The following P2RX6 variants were observed in gnomAD, a reference collection of about 807,000 sequenced individuals.
P2RX6 encodes P2X purinoceptor 6.
In P2RX6, 62 loss-of-function variants were observed where a neutral mutation model predicts 54.2. That is an observed-to-expected ratio of 1.14 (90% CI 0.93 to 1.41). The LOEUF (loss-of-function observed/expected upper bound fraction) is 1.41, where lower values mean the gene tolerates loss of function less well. Among genes scored for constraint, P2RX6 ranks in the 40% most tolerant of loss-of-function variants. P2RX6 has a pLI of 0.00. For synonymous variants in P2RX6, 211 were observed against 231.9 expected, an observed-to-expected ratio of 0.91 and a Z score of 0.82; for missense variants, 541 against 566.3, an observed-to-expected ratio of 0.96 and a Z score of 0.45.
intron 3 of P2RX6, among the ~76,000 whole-genome samples, chr22:21,021,399 G>C (rs1042087212): frequency 6.6e-6 from 1 of 152,180 alleles, no homozygotes; most frequent in Non-Finnish European, 1.5e-5. Flanking sequence ...TGAGGGTATG[G>C]GAAGACGTGG....
At chr22:21,015,587 T>A (rs1462738832) in intron 1 of P2RX6, among the ~76,000 whole-genome samples, 1 of 152,072 alleles carries the variant, frequency 6.6e-6, no homozygotes, top group African/African-American at 2.4e-5. Flanking sequence ...AGGGGGCACA[T>A]GACATAGTCC....
rs1289343313 is a variant in P2RX6 at position 21,027,954 on chromosome 22, AG to A, written c.*1338del. The A allele has an allele frequency of 2.0e-5, 3 of 152,302 alleles. No individual in the cohort carries two copies. The highest frequency in any genetic ancestry group is 4.4e-5 in the Non-Finnish European group (3 of 68,078). The allele number at this position is 152,302 out of a possible 1,614,324, so 9.4% of individuals were successfully genotyped here. ...GTGCACCTGATTCTCCTTGGGGCCC[AG>A]AGGAAGCTGATGTCATGGCTGGACA... On this transcript the variant is annotated 3_prime_UTR_variant, in exon 12 of 12. Transcript: ENST00000413302.
chr22:21,023,649 G>C (rs1263773266), intron 8 of P2RX6, 31 bp downstream of exon 8: 3 of 1,502,780 alleles, frequency 2.0e-6, no homozygotes, highest in Non-Finnish European at 2.7e-6. Flanking sequence ...GTGCCCAGCT[G>C]CTGGGCCCAT....
chr22:21,025,254 C>T (rs1346525463), intron 8 of P2RX6, among the ~76,000 whole-genome samples: 1 of 152,110 alleles, frequency 6.6e-6, no homozygotes, highest in African/African-American at 2.4e-5. Flanking sequence ...CTTCTGCCAC[C>T]GAGCGTCACC....
chr22:21,014,538 T>G (rs764408443), upstream of P2RX6, among the ~76,000 whole-genome samples: 1 of 152,148 alleles, frequency 6.6e-6, no homozygotes, highest in Non-Finnish European at 1.5e-5. Context: ...CCTAGGGGGT[T>G]CCAGCATCGC....
At position 21,022,236 on chromosome 22, in the gene P2RX6, C is replaced by T. The variant is rs563253131; in HGVS notation, c.388-440C>T. ...AAAATATTAAAAAATCAGCCAGGCA[C>T]AGTGGTGTGTGTCTGTAGTCCCAGC... On this transcript the variant is annotated intron_variant, in intron 3 of 11. Transcript: ENST00000413302. Among the ~76,000 whole-genome samples, 5 of 152,200 alleles carry T rather than the reference C, an allele frequency of 3.3e-5. No homozygotes were observed. The South Asian group carries it at 6.2e-4, about 19-fold the overall frequency.
At chr22:21,023,697 A>G in intron 8 of P2RX6, 79 bp downstream of exon 8, 1 of 1,002,600 alleles carries the variant, frequency 1.0e-6, no homozygotes, top group East Asian at 2.6e-5. Context: ...GACCACACCC[A>G]GGCCCAGGCC....
chr22:21,015,281 G>A lies in P2RX6; in HGVS notation c.107G>A (p.Trp36Ter). Residue 36 changes from tryptophan to a stop codon, truncating the protein, a stop_gained, in exon 1 of 12, where the codon TGG becomes TAG. Transcript: ENST00000413302. LOFTEE classifies it high-confidence loss of function. ...KTEKYVMTRNWRVGALQRLLQ... is the reference protein window; with the variant it reads ...KTEKYVMTRN Reference sequence around the variant, plus strand: ...GAGAAGTATGTGATGACCAGGAACTGGCGGGTGGGCGCCCTGCAGAGGCTG... The same window carrying A: ...GAGAAGTATGTGATGACCAGGAACTAGCGGGTGGGCGCCCTGCAGAGGCTG... The A allele has an allele frequency of 6.4e-7, 1 of 1,555,472 alleles. No individual in the cohort carries two copies. The highest frequency in any genetic ancestry group is 8.6e-7 in the Non-Finnish European group (1 of 1,158,882).
At chr22:21,011,470 G>A (rs146547300), upstream of P2RX6, 210,959 of 704,110 alleles carry the variant, frequency 0.3, 35,757 homozygotes, top group Admixed American at 0.39. Flanking sequence ...GTGCTGGGCC[G>A]CCTGCTCCTC....
rs1349892600 is a variant in P2RX6, at chr22:21,025,850, C to T, written c.936C>T (p.Thr312=). Residue 312 remains threonine, a synonymous_variant, in exon 9 of 12, where the codon ACC becomes ACT. Transcript: ENST00000413302. ...AGCAACCGGGTGTGGAGGCCCGCAC[C>T]CTGCTCAAGCTCTATGGAATCCGCT... ...WWEQPGVEAR[T]LLKLYGIRFD... 1 of 1,570,646 alleles carries T rather than the reference C, an allele frequency of 6.4e-7. No homozygotes were observed. The highest frequency in any genetic ancestry group is 8.6e-7 in the Non-Finnish European group (1 of 1,158,324).
In P2RX6 at chr22:21,026,766, A is replaced by G. The variant is rs993125993; in HGVS notation, c.*149A>G. 3 of 1,418,084 alleles carry G rather than the reference A, an allele frequency of 2.1e-6. No homozygotes were observed. Among genetic ancestry groups the G allele is most frequent in the Non-Finnish European group, 2.8e-6 (3 of 1,078,254 alleles). The allele number at this position is 1,418,084 out of a possible 1,614,324, so 87.8% of individuals were successfully genotyped here. A position where few individuals can be genotyped will look rare whatever the true frequency, so the allele number is the denominator to read the frequency against. ...TCCCTCCCCTGACTCCCACCTTGGT[A>G]GGGTGCTGCCTCAGGGAGCCATAGA... On this transcript the variant is annotated 3_prime_UTR_variant, in exon 12 of 12. Transcript: ENST00000413302. The surrounding 1 kb of genome is among the most constrained non-coding windows in gnomAD (Gnocchi z 4.0).
upstream of P2RX6, chr22:21,011,646 C>T (rs541146773): frequency 2.0e-5 from 14 of 699,942 alleles, no homozygotes; most frequent in Non-Finnish European, 3.7e-5. Context: ...TACCACCCCC[C>T]TCCCCCCTCT....
At chr22:21,021,109 A>G (rs546401146) in intron 3 of P2RX6, among the ~76,000 whole-genome samples, 30 of 152,096 alleles carry the variant, frequency 2.0e-4, no homozygotes, top group African/African-American at 6.5e-4. Context: ...CTAAGGAGCT[A>G]AACTGTTTTT....
intron 2 of P2RX6, among the ~76,000 whole-genome samples, chr22:21,016,538 G>A (rs973702024): frequency 6.7e-6 from 1 of 149,012 alleles, no homozygotes; most frequent in African/African-American, 2.5e-5. Context: ...GCAGTGAGCC[G>A]AGATTGCACC....
chr22:21,021,530 T>C (rs2148049081), intron 3 of P2RX6, among the ~76,000 whole-genome samples: 1 of 152,206 alleles, frequency 6.6e-6, no homozygotes, highest in East Asian at 1.9e-4. Flanking sequence ...GTGGCTCTGC[T>C]CCGACCTCCA....
intron 3 of P2RX6, 55 bp downstream of exon 3, chr22:21,018,115 G>A: frequency 8.1e-7 from 1 of 1,239,064 alleles, no homozygotes. Flanking sequence ...TCAGCCCCAG[G>A]GGGCCACCCG....
chr22:21,025,726 T>C (rs1928312688), intron 8 of P2RX6, 79 bp from the exon 9 acceptor site: 4 of 1,019,800 alleles, frequency 3.9e-6, no homozygotes, highest in Non-Finnish European at 4.5e-6. Context: ...AATTGACAAG[T>C]TGGACAGAGG....
At chr22:21,025,967 G>A (rs1928369600) in intron 9 of P2RX6, 44 bp from the exon 10 acceptor site, 1 of 1,592,112 alleles carries the variant, frequency 6.3e-7, no homozygotes, top group Admixed American at 1.8e-5. Context: ...GAGGCATGAG[G>A]CTGACAGTCG....
rs1423810145 is a variant in P2RX6, at chr22:21,026,542, G to T, written c.1251G>T (p.Gly417=). Residue 417 remains glycine (G), a synonymous_variant, in exon 12 of 12, where the codon GGG becomes GGT. Transcript: ENST00000413302. This position sits in a 1 kb window ranked among gnomAD's most constrained non-coding sequence, Gnocchi z 4.0. ...SAPAPTATAA[G]SQTQTPGWPC... ...CTGCACCCACGGCCACTGCTGCTGGGAGTCAGACACAGACACCAGGATGGC... is the reference window on the plus strand; with the variant it reads ...CTGCACCCACGGCCACTGCTGCTGGTAGTCAGACACAGACACCAGGATGGC... The T allele has an allele frequency of 1.9e-6, 3 of 1,590,934 alleles. No individual in the cohort carries two copies. Among genetic ancestry groups the T allele is most frequent in the African/African-American group, 2.7e-5 (2 of 74,316 alleles).
Sources: gnomAD v4.1 joint callset for allele counts (sites outside exome capture counted in the v4.1 genomes callset) on GRCh38, gnomAD v4.1.1 for gene constraint, Gnocchi (gnomAD v3.1) non-coding constraint, MANE v1.5 for transcripts, NCBI Gene and HGNC (gene_info 2026-07-23, HGNC 2026-07-21) for gene names.